The following ANXA7 variants were observed in gnomAD, a reference collection of about 807,000 sequenced individuals.
ANXA7 encodes the protein annexin VII.
Under a neutral mutation model 64.9 loss-of-function variants are expected in ANXA7, and 55 were observed. The ratio of observed to expected loss-of-function variants is 0.85; its 90% confidence interval spans 0.68 to 1.06. The LOEUF (loss-of-function observed/expected upper bound fraction) is 1.06. ANXA7 is among the 50% of genes least tolerant of loss of function. The pLI is 0.00. For synonymous variants in ANXA7, 200 were observed against 192.4 expected (o/e 1.04, Z -0.33); for missense variants, 548 against 582.1 (o/e 0.94, Z 0.60).
rs2055543174 is a variant in ANXA7 at position 73,394,765 on chromosome 10, C to T, written c.435+1754G>A. On this transcript the variant is annotated intron_variant, in intron 5 of 12. Coordinates refer to ENST00000372921, the MANE Select transcript of ANXA7 (RefSeq NM_001156.5). Reference sequence around the variant, plus strand: ...TAGGAGATACACCTAATATAAATGACGAGTTAACGGGTGCAGCACACCAAC... The same window carrying T: ...TAGGAGATACACCTAATATAAATGATGAGTTAACGGGTGCAGCACACCAAC... 1.3e-5 allele frequency among the ~76,000 whole-genome samples: 2 copies of T among 152,022 alleles called. 1 individual carries two copies. The highest frequency in any genetic ancestry group is 4.8e-5 in the African/African-American group (2 of 41,376).
intron 1 of ANXA7, among the ~76,000 whole-genome samples, chr10:73,411,541 A>C (rs973286025): frequency 6.6e-6 from 1 of 152,096 alleles, no homozygotes; most frequent in Non-Finnish European, 1.5e-5. Flanking sequence ...CCCAGGTTCA[A>C]GCGATTCTCC....
intron 9 of ANXA7, 95 bp downstream of exon 9, chr10:73,383,079 TG>T: frequency 8.8e-7 from 1 of 1,139,000 alleles, no homozygotes; most frequent in Non-Finnish European, 1.2e-6. Flanking sequence ...TATTGCAAGG[TG>T]GCTAAATATT....
chr10:73,384,076 G>A (rs997409439), intron 7 of ANXA7, among the ~76,000 whole-genome samples: 3 of 151,050 alleles, frequency 2.0e-5, no homozygotes, highest in South Asian at 2.1e-4. Flanking sequence ...AGCTGAGATC[G>A]CACCACTGCA....
chr10:73,405,712 T>C (rs1198404013), intron 1 of ANXA7, among the ~76,000 whole-genome samples: 1 of 152,144 alleles, frequency 6.6e-6, no homozygotes, highest in Admixed American at 6.5e-5. Flanking sequence ...TAGACACAGA[T>C]AGGCAAGAAA....
At chr10:73,377,763 GGTGGGTGTGGGTGTGTGTGTGT>G (rs1202275934) in intron 12 of ANXA7, among the ~76,000 whole-genome samples, 1 of 140,316 alleles carries the variant, frequency 7.1e-6, no homozygotes, top group East Asian at 2.1e-4. Flanking sequence ...CATGCCGGGG[GGTGGGTGTGGGTGTGTGTGTGT>G]GTGTGTGTGT....
At chr10:73,399,367 A>G (rs1181086714) in intron 2 of ANXA7, among the ~76,000 whole-genome samples, 1 of 152,238 alleles carries the variant, frequency 6.6e-6, no homozygotes, top group Admixed American at 6.5e-5. Context: ...TGTTTAATAC[A>G]TAGGGACTTG....
chr10:73,409,465 G>A (rs1487387553), intron 1 of ANXA7, among the ~76,000 whole-genome samples: 1 of 152,074 alleles, frequency 6.6e-6, no homozygotes, highest in Non-Finnish European at 1.5e-5. Flanking sequence ...GCTTCACCAA[G>A]GAGATGACAG....
intron 1 of ANXA7, among the ~76,000 whole-genome samples, chr10:73,410,023 A>G (rs1190978301): frequency 6.6e-6 from 1 of 152,228 alleles, no homozygotes; most frequent in Non-Finnish European, 1.5e-5. Flanking sequence ...AAGTTGATAA[A>G]AGATTTAAAT....
chr10:73,390,683 T>C (rs2055457177), intron 5 of ANXA7, among the ~76,000 whole-genome samples: 1 of 145,264 alleles, frequency 6.9e-6, no homozygotes, highest in Admixed American at 7.0e-5. Flanking sequence ...TCTGTGATTC[T>C]CTTTTGTAAA....
chr10:73,379,806 T>C, intron 11 of ANXA7, 73 bp downstream of exon 11: 1 of 1,403,826 alleles, frequency 7.1e-7, no homozygotes, highest in Non-Finnish European at 1.0e-6. Context: ...ATTATCAACA[T>C]TTAATGGGAA....
chr10:73,394,868 AAAAT>A (rs2055544970), intron 5 of ANXA7, among the ~76,000 whole-genome samples: 1 of 152,244 alleles, frequency 6.6e-6, no homozygotes, highest in African/African-American at 2.4e-5. Context: ...ATAAAAAATA[AAAAT>A]AAAAATAAGT....
chr10:73,389,209 T>C (rs1361700727), intron 5 of ANXA7, among the ~76,000 whole-genome samples: 1 of 152,146 alleles, frequency 6.6e-6, no homozygotes, highest in East Asian at 1.9e-4. Flanking sequence ...CATGAGAAAA[T>C]ATCAGACAAA....
chr10:73,400,904 GTT>G (rs2055652487), intron 1 of ANXA7, 47 bp from the exon 2 acceptor site: 1 of 1,488,050 alleles, frequency 6.7e-7, no homozygotes, highest in African/African-American at 1.4e-5. Flanking sequence ...TTGTTGTTTT[GTT>G]TTGTTTTGTT....
At chr10:73,402,980 G>A (rs189353552) in intron 1 of ANXA7, among the ~76,000 whole-genome samples, 98 of 152,036 alleles carry the variant, frequency 6.4e-4, no homozygotes, top group Middle Eastern at 3.4e-3. Flanking sequence ...GCCTGCCACC[G>A]TGCCTGGCTA....
chr10:73,377,928 T>C (rs1052946403), intron 12 of ANXA7, among the ~76,000 whole-genome samples: 6 of 146,448 alleles, frequency 4.1e-5, no homozygotes, highest in Admixed American at 6.7e-5. Context: ...TGTGTGTGTG[T>C]GTGCGCGCGC....
chr10:73,408,347 G>A lies in ANXA7; in HGVS notation c.-2+5665C>T, dbSNP rs573030189. The A allele has an allele frequency of 4.0e-5, 6 of 150,590 alleles. No individual in the cohort carries two copies. The South Asian group carries it at 8.4e-4, about 21-fold the overall frequency. 9.3% of individuals were successfully genotyped at this position (150,590 alleles called of 1,614,324 possible). On this transcript the variant is annotated intron_variant, in intron 1 of 12. Coordinates refer to ENST00000372921, the MANE Select transcript of ANXA7 (RefSeq NM_001156.5). ...AAAGAAAAAAAAAAAGAAAGAAAAA[G>A]AAAAGTAGATAGACCAAGGGCAAAA...
intron 12 of ANXA7, among the ~76,000 whole-genome samples, chr10:73,377,916 T>A (rs1589644295): frequency 1.3e-5 from 2 of 149,636 alleles, no homozygotes; most frequent in African/African-American, 5.0e-5. Flanking sequence ...TGTGTGTGTG[T>A]GTGTGTGTGT....
At chr10:73,381,501 C>A (rs2055274325) in intron 9 of ANXA7, 1 of 152,178 alleles carries the variant, frequency 6.6e-6, no homozygotes, top group Admixed American at 6.5e-5. Context: ...AGCTGAAGAA[C>A]TGTCTTCTGA....
At chr10:73,377,789 T>G (rs959788144) in intron 12 of ANXA7, among the ~76,000 whole-genome samples, 5 of 148,746 alleles carry the variant, frequency 3.4e-5, no homozygotes, top group African/African-American at 1.0e-4. Context: ...TGTGTGTGTG[T>G]GTGTGTGTGT....
Sources: allele counts gnomAD v4.1 joint callset (sites outside exome capture counted in the v4.1 genomes callset), GRCh38; gene constraint gnomAD v4.1.1; transcripts MANE v1.5; gene names NCBI Gene and HGNC (gene_info 2026-07-23, HGNC 2026-07-21).